The following RBM26 variants were observed in gnomAD, a reference collection of about 807,000 sequenced individuals.
RBM26 encodes the protein RNA-binding protein 26.
RBM26 carries 30 observed loss-of-function variants against 123.6 expected under a neutral mutation model. The observed-to-expected ratio is 0.24, with a 90% confidence interval of 0.18 to 0.33. The LOEUF is 0.33. RBM26 is among the 10% of genes least tolerant of loss of function. The pLI, the probability that RBM26 is intolerant of heterozygous loss-of-function variation, is 1.00. For synonymous variants in RBM26, 400 were observed against 404.4 expected (o/e 0.99, Z 0.13); for missense variants, 947 against 1,203.6 (o/e 0.79, Z 3.15).
chr13:79,402,392 A>C (rs1485710225), intron 1 of RBM26, among the ~76,000 whole-genome samples: 1 of 152,016 alleles, frequency 6.6e-6, no homozygotes, highest in African/African-American at 2.4e-5. Context: ...AACAGTAAAT[A>C]CAGATATGCA....
At chr13:79,362,111 C>T (rs1251422836) in intron 9 of RBM26, among the ~76,000 whole-genome samples, 3 of 152,096 alleles carry the variant, frequency 2.0e-5, no homozygotes, top group African/African-American at 7.2e-5. Context: ...ACTTCCATAT[C>T]CTATTTCCCA....
chr13:79,404,344 C>G (rs2079322584), intron 1 of RBM26, among the ~76,000 whole-genome samples: 1 of 152,192 alleles, frequency 6.6e-6, no homozygotes, highest in Non-Finnish European at 1.5e-5. Flanking sequence ...ATCTGCCTGT[C>G]TCCACCATCA....
downstream of RBM26, chr13:79,314,051 T>C (rs1176184794): frequency 6.6e-6 from 1 of 151,738 alleles, no homozygotes; most frequent in Non-Finnish European, 1.5e-5. Flanking sequence ...TGCAAACATT[T>C]CTTATAGTCC....
At chr13:79,346,442 A>G (rs993382572) in intron 14 of RBM26, among the ~76,000 whole-genome samples, 1 of 152,112 alleles carries the variant, frequency 6.6e-6, no homozygotes, top group Non-Finnish European at 1.5e-5. Context: ...ATAGTGGCCC[A>G]GATCTTGGCT....
At chr13:79,392,250 A>G (rs1175183644) in intron 1 of RBM26, among the ~76,000 whole-genome samples, 1 of 130,138 alleles carries the variant, frequency 7.7e-6, no homozygotes, top group Non-Finnish European at 1.6e-5. Flanking sequence ...ATACAATAAT[A>G]CATAATTATT....
intron 20 of RBM26, among the ~76,000 whole-genome samples, chr13:79,323,033 A>G (rs140712338): frequency 3.3e-5 from 5 of 151,654 alleles, no homozygotes; most frequent in African/African-American, 9.6e-5. Flanking sequence ...AAAACAAAAT[A>G]TAAGTGTCTC....
At chr13:79,386,559 TG>T (rs1339448328) in intron 1 of RBM26, among the ~76,000 whole-genome samples, 1 of 123,594 alleles carries the variant, frequency 8.1e-6, no homozygotes, top group Non-Finnish European at 1.6e-5. Flanking sequence ...GTTATAATTA[TG>T]GTTATACATC....
At chr13:79,405,432 C>A (rs918665240) in intron 1 of RBM26, among the ~76,000 whole-genome samples, 3 of 151,978 alleles carry the variant, frequency 2.0e-5, no homozygotes, top group Non-Finnish European at 1.5e-5. Flanking sequence ...GATTTTGAGG[C>A]CCCCGGAAAA....
In RBM26 at chr13:79,358,181, C is replaced by A. The variant is rs1011506433; in HGVS notation, c.1689+93G>T. ...TACAGGCGTGAACCACCATGCCCAG[C>A]CTTAAAATATTTATTTATAAAGGTA... is the stretch of plus-strand genomic sequence containing the variant. On this transcript the variant is annotated intron_variant, in intron 11 of 21. Transcript: ENST00000438737. The A allele has an allele frequency of 2.6e-6, 3 of 1,136,826 alleles. No individual in the cohort carries two copies. In the African/African-American group the frequency reaches 4.9e-5, roughly 18 times the overall value. The allele number at this position is 1,136,826 out of a possible 1,614,324, so 70.4% of individuals were successfully genotyped here.
chr13:79,317,099 G>T (rs1307612374), downstream of RBM26, among the ~76,000 whole-genome samples: 1 of 151,680 alleles, frequency 6.6e-6, no homozygotes, highest in Non-Finnish European at 1.5e-5. Context: ...TCTGAATTTA[G>T]AAGGAAAATG....
intron 14 of RBM26, among the ~76,000 whole-genome samples, chr13:79,347,094 T>C (rs2072455809): frequency 6.6e-6 from 1 of 152,234 alleles, no homozygotes; most frequent in Non-Finnish European, 1.5e-5. Flanking sequence ...ATTTTTGACA[T>C]GTAGTATCAG....
downstream of RBM26, among the ~76,000 whole-genome samples, chr13:79,316,122 AAC>A (rs2067119279): frequency 6.6e-6 from 1 of 151,610 alleles, no homozygotes; most frequent in South Asian, 2.1e-4. Context: ...CCAAAAAGTT[AAC>A]TAAGCCAGAA....
chr13:79,398,388 AAAACATACAG>A (rs2078774609), intron 1 of RBM26, among the ~76,000 whole-genome samples: 1 of 152,242 alleles, frequency 6.6e-6, no homozygotes, highest in Non-Finnish European at 1.5e-5. Context: ...AGGAAGTGCT[AAAACATACAG>A]AAAAAAAGTG....
At chr13:79,320,782 T>TA in intron 21 of RBM26, 72 bp from the exon 22 acceptor site, 1 of 1,337,098 alleles carries the variant, frequency 7.5e-7, no homozygotes, top group South Asian at 1.5e-5. Flanking sequence ...GTGACACTTT[T>TA]AAATACTCAT....
chr13:79,350,183 G>A (rs2073025509), intron 14 of RBM26, among the ~76,000 whole-genome samples: 1 of 151,982 alleles, frequency 6.6e-6, no homozygotes. Flanking sequence ...AAGTTCCATG[G>A]TATAGATGTT....
At position 79,380,496 on chromosome 13, in the gene RBM26, T is replaced by A. The variant is rs559719109; in HGVS notation, c.72-1589A>T. On this transcript the variant is annotated intron_variant, in intron 1 of 21. Coordinates refer to ENST00000438737, the MANE Select transcript of RBM26 (RefSeq NM_001366735.2). The stretch of plus-strand genomic sequence containing the variant: ...GGACAGGGTAAGAAGGGAAAGTTTT[T>A]AAAAAAAAAAAACCACATAATAATT... Among the ~76,000 whole-genome samples, 195 of 147,364 alleles carry A rather than the reference T, an allele frequency of 1.3e-3. 1 individual carries two copies. The highest frequency in any genetic ancestry group is 2.6e-3 in the East Asian group (13 of 5,038).
chr13:79,343,687 CAA>C (rs2071808568), intron 16 of RBM26, among the ~76,000 whole-genome samples: 1 of 151,790 alleles, frequency 6.6e-6, no homozygotes. Flanking sequence ...TAAAAAGAAA[CAA>C]ATACAATTAA....
intron 19 of RBM26, among the ~76,000 whole-genome samples, chr13:79,336,306 T>C (rs543708698): frequency 8.7e-4 from 132 of 152,222 alleles, no homozygotes; most frequent in Non-Finnish European, 1.6e-3. Context: ...AAATTATAAT[T>C]TGATTATAAA....
chr13:79,331,692 TCTGATTCTTCTAAAACAGCAA>T (rs2069441340), intron 20 of RBM26, among the ~76,000 whole-genome samples: 1 of 152,116 alleles, frequency 6.6e-6, no homozygotes, highest in African/African-American at 2.4e-5. Context: ...TCATTTTTGT[TCTGATTCTTCTAAAACAGCAA>T]CTTAATTATT....
Sources: allele counts gnomAD v4.1 joint callset (sites outside exome capture counted in the v4.1 genomes callset), GRCh38; gene constraint gnomAD v4.1.1; transcripts MANE v1.5; gene names NCBI Gene and HGNC (gene_info 2026-07-23, HGNC 2026-07-21).